The following ARID3A variants were observed in gnomAD, a reference collection of about 807,000 sequenced individuals.
ARID3A encodes AT-rich interactive domain-containing protein 3A.
Under a neutral mutation model 52.7 loss-of-function variants are expected in ARID3A, and 11 were observed. That is an observed-to-expected ratio of 0.21 (90% CI 0.13 to 0.35). The LOEUF (loss-of-function observed/expected upper bound fraction) is 0.35, where lower values mean the gene tolerates loss of function less well. Among genes scored for constraint, ARID3A ranks in the 10% least tolerant of loss-of-function variants. The pLI, the probability that ARID3A is intolerant of heterozygous loss-of-function variation, is 1.00. For synonymous variants in ARID3A, 404 were observed against 359.4 expected (o/e 1.12, Z -1.40); for missense variants, 721 against 838.5 (o/e 0.86, Z 1.73).
chr19:929,482 GT>G lies in ARID3A; in HGVS notation c.-46del. ...CCCCCGCCGCCCACCCCTAGCGCCC[GT>G]GGTGGTGGTGGTGGTGGTGGTGGTG... On this transcript the variant is annotated 5_prime_UTR_variant, in exon 2 of 9. Coordinates refer to ENST00000263620, the MANE Select transcript of ARID3A (RefSeq NM_005224.3). The surrounding 1 kb of genome is among the most constrained non-coding windows in gnomAD (Gnocchi z 6.2). 5.4e-6 allele frequency: 5 copies of G among 924,176 alleles called. No homozygotes were observed. Among genetic ancestry groups the G allele is most frequent in the Non-Finnish European group, 6.9e-6 (5 of 722,678 alleles). The allele number at this position is 924,176 out of a possible 1,614,324, so 57.2% of individuals were successfully genotyped here.
intron 3 of ARID3A, among the ~76,000 whole-genome samples, chr19:957,498 G>T (rs879256774): frequency 1.3e-5 from 2 of 152,198 alleles, no homozygotes; most frequent in Non-Finnish European, 2.9e-5. Flanking sequence ...TTTTTGCAGC[G>T]ATTTGCTGTG....
chr19:942,745 C>T lies in ARID3A; in HGVS notation c.693+10003C>T, dbSNP rs1477340513. Reference sequence around the variant, plus strand: ...CCCCATGTCCAGAAGCCACGCTGGACATAGTGCCCAGATTCCATGCCCAGC... The same window carrying T: ...CCCCATGTCCAGAAGCCACGCTGGATATAGTGCCCAGATTCCATGCCCAGC... On this transcript the variant is annotated intron_variant, in intron 3 of 8. Transcript: ENST00000263620. The surrounding 1 kb of genome is among the most constrained non-coding windows in gnomAD (Gnocchi z 8.1). 6.6e-6 allele frequency among the ~76,000 whole-genome samples: 1 copy of T among 152,214 alleles called. No individual in the cohort carries two copies.
rs759794415 is a variant in ARID3A, at chr19:947,995, G to A, written c.694-12097G>A. The stretch of plus-strand genomic sequence containing the variant: ...GTCAGGTGCACGAGGAGCAACCCAT[G>A]GCCAGGCAGAGCCCAGAGAGGGCGG... On this transcript the variant is annotated intron_variant, in intron 3 of 8. Transcript: ENST00000263620. The surrounding 1 kb of genome is among the most constrained non-coding windows in gnomAD (Gnocchi z 6.3). Among the ~76,000 whole-genome samples the A allele has an allele frequency of 6.6e-6, 1 of 152,200 alleles. No individual in the cohort carries two copies. The highest frequency in any genetic ancestry group is 1.5e-5 in the Non-Finnish European group (1 of 68,024).
At chr19:932,344 G>A (rs1242530395) in intron 2 of ARID3A, 74 bp from the exon 3 acceptor site, 9 of 1,559,872 alleles carry the variant, frequency 5.8e-6, no homozygotes, top group South Asian at 3.6e-5. Context: ...GAGGCTGGGC[G>A]GGGAGTGGGT....
chr19:937,366 G>A (rs895985150), intron 3 of ARID3A, among the ~76,000 whole-genome samples: 3 of 152,202 alleles, frequency 2.0e-5, no homozygotes, highest in African/African-American at 4.8e-5. Context: ...CATCAGCACC[G>A]TGGCCTGGGT....
In ARID3A at chr19:929,886, G is replaced by T; in HGVS notation, c.358G>T (p.Asp120Tyr). The T allele has an allele frequency of 6.5e-7, 1 of 1,541,462 alleles. No individual in the cohort carries two copies. The highest frequency in any genetic ancestry group is 8.7e-7 in the Non-Finnish European group (1 of 1,146,846). The change falls in exon 2 of 9, where the codon GAC becomes TAC. Residue 120 changes from aspartate to tyrosine, a missense_variant. Coordinates refer to ENST00000263620, the MANE Select transcript of ARID3A (RefSeq NM_005224.3). The surrounding 1 kb of genome is among the most constrained non-coding windows in gnomAD (Gnocchi z 6.2). ...GGAGCACTTTGAGGACATGGCCTCC[G>T]ACGAGGACATGTGAGTTGGGGTCTG... ...GEEHFEDMAS[D>Y]EDMKPKWEEE...
Position 973,155 on chromosome 19 carries a change from C to T in ARID3A, c.*1090C>T, listed in dbSNP as rs1000139678. 13 of 107,392 alleles carry T rather than the reference C, an allele frequency of 1.2e-4. No individual in the cohort carries two copies. The highest frequency in any genetic ancestry group is 1.8e-4 in the Non-Finnish European group (10 of 55,878). The allele number at this position is 107,392 out of a possible 1,614,324, so 6.7% of individuals were successfully genotyped here. ...CGGAGTTTTGCTCTTGTCGCCCAGG[C>T]TGGAGTGAGTGCAATGGTGCGATCT... is the stretch of plus-strand genomic sequence containing the variant. On this transcript the variant is annotated 3_prime_UTR_variant, in exon 9 of 9. Coordinates refer to ENST00000263620, the MANE Select transcript of ARID3A (RefSeq NM_005224.3).
intron 3 of ARID3A, among the ~76,000 whole-genome samples, chr19:953,575 C>T (rs545970461): frequency 3.3e-5 from 5 of 152,090 alleles, no homozygotes; most frequent in Non-Finnish European, 4.4e-5. Flanking sequence ...ATCCGTGTAA[C>T]GGGGCTCGGG....
chr19:971,937 G>A lies in ARID3A; in HGVS notation c.1654G>A (p.Gly552Ser), dbSNP rs769033902. Residue 552 changes from glycine (G) to serine (S), a missense_variant, in exon 9 of 9, where the codon GGC becomes AGC. Gly to Ser is a moderately conservative substitution (Grantham distance 56). This residue lies in a region of ARID3A where 297 missense variants were observed against 343.2 expected (regional missense o/e 0.87). Coordinates refer to ENST00000263620, the MANE Select transcript of ARID3A (RefSeq NM_005224.3). ...AACCTCTGCTCCCAACAAAGGAGGC[G>A]GCGGCGGCGGCGGCAGCAGCAGCAA... ...TPTSAPNKGG[G>S]GGGGSSSNAG... The A allele has an allele frequency of 1.3e-5, 21 of 1,596,492 alleles. No homozygotes were observed. The East Asian group carries it at 1.6e-4, about 12-fold the overall frequency.
In ARID3A at chr19:966,594, C is replaced by T. The variant is rs1223854205; in HGVS notation, c.1221C>T (p.Ile407=). The part of the protein sequence containing the change: ...IKKEEDSAIP[I]TVPGRLPVSL... ...TAGAGGAGGACTCAGCCATCCCCAT[C>T]ACAGTCCCTGGCCGCCTGCCTGTGT... Residue 407 remains isoleucine, a synonymous_variant, in exon 7 of 9, where the codon ATC becomes ATT. Coordinates refer to ENST00000263620, the MANE Select transcript of ARID3A (RefSeq NM_005224.3). The T allele has an allele frequency of 1.9e-6, 3 of 1,570,044 alleles. No individual in the cohort carries two copies. Among genetic ancestry groups the T allele is most frequent in the Admixed American group, 1.8e-5 (1 of 55,406 alleles).
At position 975,344 on chromosome 19, in the gene ARID3A, G is replaced by T. The variant is rs2038357760; in HGVS notation, c.*3279G>T. 1 of 232,418 alleles carries T rather than the reference G, an allele frequency of 4.3e-6. No homozygotes were observed. The highest frequency in any genetic ancestry group is 5.6e-5 in the Admixed American group (1 of 17,748). 14.4% of individuals were successfully genotyped at this position (232,418 alleles called of 1,614,324 possible). On this transcript the variant is annotated 3_prime_UTR_variant, in exon 9 of 9. Coordinates refer to ENST00000263620, the MANE Select transcript of ARID3A (RefSeq NM_005224.3). ...GGACCCGTAAGTGGCTGTCCAGAAA[G>T]GCGGGAGGGTGGGCACGGGGCACGG... is the stretch of plus-strand genomic sequence containing the variant.
At chr19:926,825 C>G (rs2037210140) in intron 1 of ARID3A, among the ~76,000 whole-genome samples, 1 of 152,002 alleles carries the variant, frequency 6.6e-6, no homozygotes, top group Non-Finnish European at 1.5e-5. Context: ...CGCTCGGCGC[C>G]GGCCCCGGGC....
rs2283591 is a variant in ARID3A, at chr19:940,772, C to T, written c.693+8030C>T. Among the ~76,000 whole-genome samples, 299 of 152,196 alleles carry T rather than the reference C, an allele frequency of 2.0e-3. 6 individuals carry two copies. The East Asian group carries it at 0.045, about 23-fold the overall frequency. On this transcript the variant is annotated intron_variant, in intron 3 of 8. Coordinates refer to ENST00000263620, the MANE Select transcript of ARID3A (RefSeq NM_005224.3). ...CCCTGGTGCCGGCGTCTTCCTGGGC[C>T]TCCGGGAGCCCCGGCTGCACGTGAG...
At chr19:969,984 C>T (rs1265110810) in intron 8 of ARID3A, among the ~76,000 whole-genome samples, 2 of 151,906 alleles carry the variant, frequency 1.3e-5, no homozygotes, top group African/African-American at 4.8e-5. Context: ...TGAACCACCG[C>T]GCCCACCCTA....
intron 2 of ARID3A, among the ~76,000 whole-genome samples, chr19:932,001 CT>C (rs35576679): frequency 2.3e-4 from 34 of 146,576 alleles, no homozygotes; most frequent in East Asian, 5.9e-4. Context: ...TAATGATTCC[CT>C]TTTTTTTTTT....
At chr19:939,520 T>G (rs999338213) in intron 3 of ARID3A, among the ~76,000 whole-genome samples, 1 of 152,136 alleles carries the variant, frequency 6.6e-6, no homozygotes, top group African/African-American at 2.4e-5. Context: ...CCTTGACCTC[T>G]AGGGCATGAG....
chr19:964,989 G>A lies in ARID3A; in HGVS notation c.1107G>A (p.Met369Ile). Residue 369 changes from methionine to isoleucine, a missense_variant, in exon 6 of 9, where the codon ATG (methionine) becomes ATA (isoleucine). By Grantham distance (10) the Met-to-Ile change is conservative. This residue lies in a region of ARID3A where 297 missense variants were observed against 343.2 expected (regional missense o/e 0.87). Transcript: ENST00000263620. This position sits in a 1 kb window ranked among gnomAD's most constrained non-coding sequence, Gnocchi z 5.7. ...FAYSPGGAHG[M>I]LSSPKLPVSS... Reference sequence around the variant, plus strand: ...ACTCGCCAGGCGGGGCACACGGCATGCTCTCCTCACCCAAGCTACCCGTGT... The same window carrying A: ...ACTCGCCAGGCGGGGCACACGGCATACTCTCCTCACCCAAGCTACCCGTGT... The A allele has an allele frequency of 1.2e-6, 2 of 1,613,788 alleles. No homozygotes were observed. The highest frequency in any genetic ancestry group is 8.5e-7 in the Non-Finnish European group (1 of 1,180,010).
intron 3 of ARID3A, among the ~76,000 whole-genome samples, chr19:948,693 G>T (rs979132135): frequency 1.1e-4 from 16 of 149,822 alleles, no homozygotes; most frequent in African/African-American, 3.9e-4. Context: ...GAGGGATGAG[G>T]CCTGGAGTCT....
chr19:929,724 CG>C lies in ARID3A; in HGVS notation c.199del (p.Ala67LeufsTer57). On this transcript the variant is annotated frameshift_variant, in exon 2 of 9. Coordinates refer to ENST00000263620, the MANE Select transcript of ARID3A (RefSeq NM_005224.3). LOFTEE classifies it high-confidence loss of function. This position sits in a 1 kb window ranked among gnomAD's most constrained non-coding sequence, Gnocchi z 6.2. ...TCAGATGGCCGCACTGGCAGCCATG[CG>C]GGCTGCAGCTGCGGGCCTGGGACAC... ...RAQMAALAAM[R>X]AAAAGLGHPA... The C allele has an allele frequency of 6.4e-7, 1 of 1,560,590 alleles. No individual in the cohort carries two copies. Among genetic ancestry groups the C allele is most frequent in the Non-Finnish European group, 8.6e-7 (1 of 1,161,112 alleles).
Sources: gnomAD v4.1 joint callset for allele counts (sites outside exome capture counted in the v4.1 genomes callset) on GRCh38, gnomAD v4.1.1 for gene constraint, gnomAD v4.1.1 regional missense constraint, Gnocchi (gnomAD v3.1) non-coding constraint, MANE v1.5 for transcripts, NCBI Gene and HGNC (gene_info 2026-07-23, HGNC 2026-07-21) for gene names.